RABGEF1: variants seen among roughly 807,000 people sequenced by gnomAD.
The protein encoded by RABGEF1 is RAB guanine nucleotide exchange factor 1, also known as rab5 GDP/GTP exchange factor.
In RABGEF1, 26 loss-of-function variants were observed where a neutral mutation model predicts 57.3. The ratio of observed to expected loss-of-function variants is 0.45; its 90% CI spans 0.33 to 0.63. The LOEUF is 0.63. RABGEF1 is among the 20% of genes least tolerant of loss of function. The pLI is 0.02. For missense variants in RABGEF1, 464 were observed against 607.6 expected, an observed-to-expected ratio of 0.76 and a Z score of 2.48; for synonymous variants, 185 against 210.7, an observed-to-expected ratio of 0.88 and a Z score of 1.06.
chr7:66,656,202 A>C, the RABGEF1 span, among the ~76,000 whole-genome samples: 7 of 152,114 alleles, frequency 4.6e-5, no homozygotes, highest in African/African-American at 1.4e-4. Flanking sequence ...CTGAAGTCTC[A>C]ACTGCCTGTG....
intron 1 of RABGEF1, among the ~76,000 whole-genome samples, chr7:66,741,403 C>A (rs1030056633): frequency 6.6e-6 from 1 of 152,224 alleles, no homozygotes; most frequent in Non-Finnish European, 1.5e-5. Flanking sequence ...GAGCAGAAGT[C>A]CCTGCTTCCG....
intron 1 of RABGEF1, among the ~76,000 whole-genome samples, chr7:66,753,603 C>T (rs1267994074): frequency 4.6e-5 from 7 of 151,758 alleles, no homozygotes; most frequent in Non-Finnish European, 1.0e-4. Flanking sequence ...AGGGTAATTT[C>T]CCTTTCAGTT....
At chr7:66,677,596 A>G (rs1201294448), upstream of RABGEF1, among the ~76,000 whole-genome samples, 1 of 151,866 alleles carries the variant, frequency 6.6e-6, no homozygotes, top group South Asian at 2.1e-4. Flanking sequence ...CCCTGTCTCT[A>G]CTAAAAATAC....
chr7:66,789,179 C>T (rs1165541741), intron 4 of RABGEF1, among the ~76,000 whole-genome samples: 5 of 152,098 alleles, frequency 3.3e-5, no homozygotes, highest in Non-Finnish European at 7.4e-5. Context: ...TGCCCTGCCA[C>T]GTAATTTACT....
chr7:66,697,426 G>A (rs1045305542), intron 1 of RABGEF1, among the ~76,000 whole-genome samples: 1 of 152,168 alleles, frequency 6.6e-6, no homozygotes, highest in East Asian at 1.9e-4. Context: ...TGCCACCAGG[G>A]ATGGGTCAAA....
At chr7:66,733,525 C>T (rs762369569) in intron 2 of RABGEF1, among the ~76,000 whole-genome samples, 9 of 152,050 alleles carry the variant, frequency 5.9e-5, no homozygotes, top group Non-Finnish European at 1.2e-4. Context: ...GGTGAAACCC[C>T]CATCTCTACT....
intron 1 of RABGEF1, among the ~76,000 whole-genome samples, chr7:66,699,790 C>T (rs1211925489): frequency 6.6e-6 from 1 of 151,914 alleles, no homozygotes; most frequent in Non-Finnish European, 1.5e-5. Context: ...GAGGTTGAGG[C>T]TGCAGTGAGC....
upstream of RABGEF1, among the ~76,000 whole-genome samples, chr7:66,681,232 T>G (rs535588055): frequency 6.6e-6 from 1 of 152,334 alleles, no homozygotes; most frequent in East Asian, 1.9e-4. Context: ...CCTTTCACCA[T>G]AGATGGCATC....
intron 1 of RABGEF1, among the ~76,000 whole-genome samples, chr7:66,762,545 C>T (rs1324664126): frequency 6.6e-6 from 1 of 151,954 alleles, no homozygotes; most frequent in Non-Finnish European, 1.5e-5. Flanking sequence ...GCCATGATCA[C>T]ACCACTGCAC....
intron 1 of RABGEF1, among the ~76,000 whole-genome samples, chr7:66,707,455 G>A (rs960137296): frequency 1.3e-5 from 2 of 152,090 alleles, no homozygotes; most frequent in Admixed American, 6.6e-5. Context: ...CACTTTGAGA[G>A]GCCAAGGCAG....
intron 1 of RABGEF1, among the ~76,000 whole-genome samples, chr7:66,765,811 T>C (rs1303953253): frequency 1.3e-5 from 2 of 152,162 alleles, no homozygotes; most frequent in Non-Finnish European, 2.9e-5. Context: ...CCATTCACCT[T>C]ATACAAATAT....
the RABGEF1 span, among the ~76,000 whole-genome samples, chr7:66,676,578 C>G: frequency 1.3e-5 from 2 of 152,144 alleles, no homozygotes; most frequent in Non-Finnish European, 2.9e-5. Context: ...TTCTCTCTCC[C>G]CCATTCTGGG....
chr7:66,805,636 A>C (rs937369319), intron 8 of RABGEF1, among the ~76,000 whole-genome samples: 6 of 152,104 alleles, frequency 3.9e-5, no homozygotes, highest in Admixed American at 6.5e-5. Flanking sequence ...GTTGGGCATC[A>C]CTCCCCACGG....
intron 2 of RABGEF1, among the ~76,000 whole-genome samples, chr7:66,723,855 C>T (rs1480970067): frequency 6.6e-6 from 1 of 152,006 alleles, no homozygotes; most frequent in African/African-American, 2.4e-5. Flanking sequence ...GCTGGGATTA[C>T]AGGTGTGAGC....
In RABGEF1 at chr7:66,728,344, G is replaced by T. The variant is rs180721335; in HGVS notation, c.-814-11652G>T. On this transcript the variant is annotated intron_variant and NMD_transcript_variant, in intron 2 of 9. Coordinates refer to the RABGEF1 transcript ENST00000607882. ...CAGATGCTCTTCAGGGACCCTGACT[G>T]GTTGGGGGAGGCTGCTGGGACTGAA... is the stretch of plus-strand genomic sequence containing the variant. 1.0e-3 allele frequency among the ~76,000 whole-genome samples: 155 copies of T among 152,268 alleles called. 1 individual carries two copies. Among genetic ancestry groups the T allele is most frequent in the African/African-American group, 3.5e-3 (145 of 41,554 alleles).
intron 2 of RABGEF1, among the ~76,000 whole-genome samples, chr7:66,772,374 G>A (rs1303598592): frequency 6.6e-6 from 1 of 152,088 alleles, no homozygotes; most frequent in Non-Finnish European, 1.5e-5. Context: ...ATATTTCCTG[G>A]TGAAGATTAA....
intron 2 of RABGEF1, among the ~76,000 whole-genome samples, chr7:66,734,827 T>C (rs1328875430): frequency 6.6e-6 from 1 of 152,104 alleles, no homozygotes; most frequent in Non-Finnish European, 1.5e-5. Flanking sequence ...TCGCTGTGGC[T>C]TCCTCCTGCT....
chr7:66,675,273 T>C, the RABGEF1 span, among the ~76,000 whole-genome samples: 5 of 151,992 alleles, frequency 3.3e-5, no homozygotes, highest in Admixed American at 6.6e-5. Context: ...CTGCTAAAAA[T>C]ACAAAAATTA....
intron 1 of RABGEF1, among the ~76,000 whole-genome samples, chr7:66,706,160 G>A (rs540244226): frequency 1.3e-5 from 2 of 151,244 alleles, no homozygotes; most frequent in Non-Finnish European, 2.9e-5. Flanking sequence ...CCTCGGCCTC[G>A]CAAAGTCCTG....
Sources: gnomAD v4.1 joint callset for allele counts (sites outside exome capture counted in the v4.1 genomes callset) on GRCh38, gnomAD v4.1.1 for gene constraint, MANE v1.5 for transcripts, NCBI Gene and HGNC (gene_info 2026-07-23, HGNC 2026-07-21) for gene names.